ANOS1: variants seen among roughly 807,000 people sequenced by gnomAD.
ANOS1 encodes the protein anosmin-1.
A neutral mutation model predicts 59.0 loss-of-function variants in ANOS1; 6 were observed. That is an observed-to-expected ratio of 0.10 (90% CI 0.06 to 0.20). The LOEUF (loss-of-function observed/expected upper bound fraction) is 0.20. ANOS1 is among the 10% of genes least tolerant of loss of function. The pLI is 1.00. For missense variants in ANOS1, 433 were observed against 542.3 expected, an observed-to-expected ratio of 0.80 and a Z score of 2.00; for synonymous variants, 217 against 223.4, an observed-to-expected ratio of 0.97 and a Z score of 0.25.
rs34363483 is a variant in ANOS1, at chrX:8,601,193, C to CA, written c.319-3938dup. ...GGGCAACCAAAGCGAGACTTTGTCT[C>CA]AAAAAAAAAAAAAAAAAAAAAGAAA... On this transcript the variant is annotated intron_variant, in intron 3 of 13. Coordinates refer to ENST00000262648, the MANE Select transcript of ANOS1 (RefSeq NM_000216.4). 1.5e-3 allele frequency among the ~76,000 whole-genome samples: 90 copies of CA among 62,059 alleles called. 1 individual carries two copies. Among genetic ancestry groups the CA allele is most frequent in the South Asian group, 2.1e-3 (2 of 936 alleles). 53.9% of individuals were successfully genotyped at this position (62,059 alleles called of 115,157 possible).
At chrX:8,710,657 T>G (rs891975335) in intron 1 of ANOS1, among the ~76,000 whole-genome samples, 11 of 112,100 alleles carry the variant, frequency 9.8e-5, no homozygotes, top group Non-Finnish European at 1.5e-4. Flanking sequence ...GAGGTTACAG[T>G]GTCCCTGTAA....
intron 2 of ANOS1, among the ~76,000 whole-genome samples, chrX:8,645,399 G>A (rs1036928971): frequency 9.0e-6 from 1 of 111,696 alleles, no homozygotes; most frequent in Non-Finnish European, 1.9e-5. Context: ...AATACTTCTC[G>A]TGTGGCCCCT....
chrX:8,638,565 C>T (rs1211394853), intron 2 of ANOS1, among the ~76,000 whole-genome samples: 3 of 111,881 alleles, frequency 2.7e-5, no homozygotes, highest in Admixed American at 1.9e-4. Flanking sequence ...TACAGAAGTA[C>T]AGATGGGGAG....
At chrX:8,601,193 CAAAAAAAAA>C in intron 3 of ANOS1, among the ~76,000 whole-genome samples, 1 of 62,121 alleles carries the variant, frequency 1.6e-5, no homozygotes, top group Admixed American at 2.0e-4. Context: ...GACTTTGTCT[CAAAAAAAAA>C]AAAAAAAAAA....
At chrX:8,666,769 A>G (rs1208452566) in intron 2 of ANOS1, among the ~76,000 whole-genome samples, 2 of 111,853 alleles carry the variant, frequency 1.8e-5, no homozygotes, top group Non-Finnish European at 3.8e-5. Flanking sequence ...GGACATTGAC[A>G]TCGGCGCTGA....
intron 1 of ANOS1, among the ~76,000 whole-genome samples, chrX:8,721,296 A>T (rs1052887995): frequency 9.0e-6 from 1 of 111,626 alleles, no homozygotes; most frequent in Non-Finnish European, 1.9e-5. Context: ...TAACATACTA[A>T]GAAGTGGAGT....
At chrX:8,635,572 G>A (rs145220514) in intron 2 of ANOS1, among the ~76,000 whole-genome samples, 151 of 111,456 alleles carry the variant, frequency 1.4e-3, no homozygotes, top group Non-Finnish European at 1.4e-3. Context: ...GTTTACTGGC[G>A]CACAGACAGC....
chrX:8,577,709 C>T (rs942548483), intron 6 of ANOS1, among the ~76,000 whole-genome samples: 2 of 112,254 alleles, frequency 1.8e-5, no homozygotes, highest in African/African-American at 6.5e-5. Flanking sequence ...CATCACTTAA[C>T]CTCTTGTGTT....
intron 6 of ANOS1, among the ~76,000 whole-genome samples, chrX:8,572,105 T>C (rs920893353): frequency 9.6e-6 from 1 of 104,448 alleles, no homozygotes; most frequent in Non-Finnish European, 1.9e-5. Flanking sequence ...AAGCATATTA[T>C]GTGATACTGC....
In ANOS1 at chrX:8,532,451, C is replaced by T. The variant is rs2146784482; in HGVS notation, c.*544G>A. ...GTAGGAGCATTTTTAGATTTAAATT[C>T]GCTGGTATATTTTAGATTACACATT... On this transcript the variant is annotated 3_prime_UTR_variant, in exon 14 of 14. Coordinates refer to ENST00000262648, the MANE Select transcript of ANOS1 (RefSeq NM_000216.4). 2.7e-5 allele frequency: 3 copies of T among 111,383 alleles called. No homozygotes were observed. Among genetic ancestry groups the T allele is most frequent in the South Asian group, 3.7e-4 (1 of 2,672 alleles). 9.2% of individuals were successfully genotyped at this position (111,383 alleles called of 1,213,427 possible). A position where few individuals can be genotyped will look rare whatever the true frequency, so the allele number is the denominator to read the frequency against.
intron 6 of ANOS1, among the ~76,000 whole-genome samples, chrX:8,584,742 T>C (rs201979497): frequency 8.9e-6 from 1 of 112,238 alleles, no homozygotes; most frequent in East Asian, 2.8e-4. Context: ...TAACACACTG[T>C]TGATCTGATT....
chrX:8,579,074 G>T (rs765592586), intron 6 of ANOS1, among the ~76,000 whole-genome samples: 13 of 112,172 alleles, frequency 1.2e-4, no homozygotes, highest in African/African-American at 4.2e-4. Context: ...TTTGTATTTT[G>T]TAATTTTGTA....
intron 2 of ANOS1, among the ~76,000 whole-genome samples, chrX:8,664,284 G>A (rs186966287): frequency 5.8e-4 from 65 of 111,525 alleles, no homozygotes; most frequent in African/African-American, 2.0e-3. Flanking sequence ...TCTGCCTCCC[G>A]GGTTCACGCC....
intron 2 of ANOS1, among the ~76,000 whole-genome samples, chrX:8,692,374 C>A (rs1480321663): frequency 9.0e-6 from 1 of 111,256 alleles, no homozygotes; most frequent in Non-Finnish European, 1.9e-5. Flanking sequence ...TGGTTACTAT[C>A]TGGTGTTTTT....
At chrX:8,559,256 G>A (rs752935672) in intron 8 of ANOS1, among the ~76,000 whole-genome samples, 3 of 112,104 alleles carry the variant, frequency 2.7e-5, no homozygotes, top group Non-Finnish European at 5.6e-5. Context: ...GCCATGTGAC[G>A]TGGTATTTTG....
Position 8,732,086 on chromosome X carries a change from C to A in ANOS1, c.-50G>T. ...AGGGCGCCGGGCGCGGGCCGAGGCT[C>A]CCTGCTCCGCGCCGGGGCTGCACTG... On this transcript the variant is annotated 5_prime_UTR_variant, in exon 1 of 14. Transcript: ENST00000262648. 2 of 851,592 alleles carry A rather than the reference C, an allele frequency of 2.3e-6. No individual in the cohort carries two copies. Among genetic ancestry groups the A allele is most frequent in the Non-Finnish European group, 2.9e-6 (2 of 685,601 alleles). The allele number at this position is 851,592 out of a possible 1,213,427, so 70.2% of individuals were successfully genotyped here.
Position 8,665,811 on chromosome X carries a change from T to C in ANOS1, c.255+33887A>G, listed in dbSNP as rs1932124072. 2.7e-5 allele frequency among the ~76,000 whole-genome samples: 3 copies of C among 112,566 alleles called. No individual in the cohort carries two copies. The South Asian group carries it at 1.1e-3, about 41-fold the overall frequency. On this transcript the variant is annotated intron_variant, in intron 2 of 13. Transcript: ENST00000262648. The stretch of plus-strand genomic sequence containing the variant: ...TGGTGGCAATATCCACCATGATTAT[T>C]TTAGCAAAGCAAATTACTTTGGATG...
intron 8 of ANOS1, among the ~76,000 whole-genome samples, chrX:8,564,652 G>A (rs1930081905): frequency 8.9e-6 from 1 of 111,897 alleles, no homozygotes; most frequent in African/African-American, 3.2e-5. Context: ...TCTAGAAACT[G>A]CATGGTGAAG....
Position 8,662,965 on chromosome X carries a change from G to A in ANOS1, c.255+36733C>T, listed in dbSNP as rs746105296. On this transcript the variant is annotated intron_variant, in intron 2 of 13. Transcript: ENST00000262648. ...CTTGAACCCGGGAGGCGGAGGTTGCGATGAGCCAAGATCGTGCTAGCCTGG... is the reference window on the plus strand; with the variant it reads ...CTTGAACCCGGGAGGCGGAGGTTGCAATGAGCCAAGATCGTGCTAGCCTGG... Among the ~76,000 whole-genome samples, 11 of 112,027 alleles carry A rather than the reference G, an allele frequency of 9.8e-5. No homozygotes were observed. In the South Asian group the frequency reaches 4.1e-3, roughly 42 times the overall value.
Sources: allele counts gnomAD v4.1 joint callset (sites outside exome capture counted in the v4.1 genomes callset), GRCh38; gene constraint gnomAD v4.1.1; transcripts MANE v1.5; gene names NCBI Gene and HGNC (gene_info 2026-07-23, HGNC 2026-07-21).